The following RSPO2 variants were observed in gnomAD, a reference collection of about 807,000 sequenced individuals.
RSPO2 encodes R-spondin 2, also known as R-spondin-2.
A neutral mutation model predicts 30.9 loss-of-function variants in RSPO2; 14 were observed. The ratio of observed to expected loss-of-function variants is 0.45; its 90% CI spans 0.30 to 0.71. RSPO2 has a LOEUF of 0.71. Ranked by LOEUF, RSPO2 falls within the 30% of genes least tolerant of loss-of-function variation. RSPO2 has a pLI of 0.08. For missense variants in RSPO2, 264 were observed against 301.9 expected (o/e 0.87, Z 0.93); for synonymous variants, 107 against 96.4 (o/e 1.11, Z -0.64).
At chr8:107,929,994 C>A (rs1185159122) in intron 5 of RSPO2, among the ~76,000 whole-genome samples, 1 of 152,124 alleles carries the variant, frequency 6.6e-6, no homozygotes, top group African/African-American at 2.4e-5. Flanking sequence ...TTCTGATGTT[C>A]TCCTTGGTTT....
At chr8:108,041,479 C>G (rs1232488972) in intron 2 of RSPO2, among the ~76,000 whole-genome samples, 2 of 151,988 alleles carry the variant, frequency 1.3e-5, no homozygotes, top group Non-Finnish European at 2.9e-5. Context: ...GCAAAAGCAA[C>G]AGGCCCCACC....
intron 5 of RSPO2, among the ~76,000 whole-genome samples, chr8:107,948,526 G>T (rs941091280): frequency 6.6e-6 from 1 of 152,152 alleles, no homozygotes; most frequent in South Asian, 2.1e-4. Flanking sequence ...ATTGCAAAAG[G>T]TTATCTAAAA....
chr8:107,957,963 C>T (rs1332455582), intron 5 of RSPO2, 117 bp downstream of exon 5: 3 of 688,028 alleles, frequency 4.4e-6, no homozygotes, highest in Non-Finnish European at 7.3e-6. Context: ...TATCCCCTCA[C>T]CAATATTATT....
intron 3 of RSPO2, among the ~76,000 whole-genome samples, chr8:107,974,173 G>T (rs1814124499): frequency 6.6e-6 from 1 of 152,044 alleles, no homozygotes; most frequent in Non-Finnish European, 1.5e-5. Flanking sequence ...ACATACCAAG[G>T]AGCAAGGACT....
intron 2 of RSPO2, among the ~76,000 whole-genome samples, chr8:108,058,626 C>T (rs1812338759): frequency 1.3e-5 from 2 of 152,142 alleles, no homozygotes; most frequent in South Asian, 4.2e-4. Context: ...ACCAAAACAG[C>T]ATGGTACTGG....
intron 2 of RSPO2, among the ~76,000 whole-genome samples, chr8:108,027,140 A>ATAG (rs1811248921): frequency 2.0e-5 from 3 of 152,204 alleles, no homozygotes; most frequent in African/African-American, 7.2e-5. Context: ...ATATTACATA[A>ATAG]AACTTCTGAT....
At chr8:107,923,094 T>C (rs187147678) in intron 5 of RSPO2, among the ~76,000 whole-genome samples, 1 of 152,122 alleles carries the variant, frequency 6.6e-6, no homozygotes, top group East Asian at 1.9e-4. Flanking sequence ...TAATGAAACT[T>C]ACGAGCTTCT....
At chr8:107,928,628 A>G (rs746892644) in intron 5 of RSPO2, among the ~76,000 whole-genome samples, 1 of 152,146 alleles carries the variant, frequency 6.6e-6, no homozygotes, top group Non-Finnish European at 1.5e-5. Flanking sequence ...AATTCAGGAG[A>G]GCAATATAAC....
chr8:107,997,918 T>C (rs1815086332), intron 2 of RSPO2, among the ~76,000 whole-genome samples: 1 of 152,230 alleles, frequency 6.6e-6, no homozygotes, highest in African/African-American at 2.4e-5. Context: ...TGTTCCGTTG[T>C]TTCTGCAGTT....
intron 5 of RSPO2, among the ~76,000 whole-genome samples, chr8:107,929,338 A>C (rs1004857274): frequency 6.6e-6 from 1 of 152,218 alleles, no homozygotes; most frequent in African/African-American, 2.4e-5. Context: ...AATTCACTTC[A>C]GGATGGATGT....
chr8:107,957,978 T>G, intron 5 of RSPO2, 102 bp downstream of exon 5: 1 of 795,330 alleles, frequency 1.3e-6, no homozygotes, highest in African/African-American at 1.7e-5. Flanking sequence ...ATTATTGGGT[T>G]TCCTTCAAAG....
intron 2 of RSPO2, among the ~76,000 whole-genome samples, chr8:108,035,080 TG>T (rs1223518813): frequency 6.6e-6 from 1 of 152,170 alleles, no homozygotes; most frequent in Non-Finnish European, 1.5e-5. Context: ...AAAAAAGAGC[TG>T]GGGAACAGAG....
intron 5 of RSPO2, among the ~76,000 whole-genome samples, chr8:107,944,326 T>C (rs1437264623): frequency 6.6e-6 from 1 of 152,226 alleles, no homozygotes; most frequent in Non-Finnish European, 1.5e-5. Context: ...CTGAGGTACA[T>C]ATCATGTGCT....
At chr8:107,985,462 T>A (rs1814591325) in intron 3 of RSPO2, among the ~76,000 whole-genome samples, 1 of 152,152 alleles carries the variant, frequency 6.6e-6, no homozygotes, top group Non-Finnish European at 1.5e-5. Flanking sequence ...CAACCGTATT[T>A]AATGGCATGA....
At chr8:107,998,340 G>A (rs943267722) in intron 2 of RSPO2, among the ~76,000 whole-genome samples, 4 of 151,898 alleles carry the variant, frequency 2.6e-5, no homozygotes, top group Non-Finnish European at 5.9e-5. Flanking sequence ...TGGCAGCAGT[G>A]GTATAAAAAT....
At chr8:108,060,014 A>T (rs1289934355) in intron 2 of RSPO2, among the ~76,000 whole-genome samples, 3 of 150,848 alleles carry the variant, frequency 2.0e-5, no homozygotes, top group South Asian at 2.1e-4. Context: ...CTAATAAAAT[A>T]AAATTAAAAA....
chr8:108,072,020 GTT>G (rs1812861697), intron 2 of RSPO2, among the ~76,000 whole-genome samples: 1 of 152,108 alleles, frequency 6.6e-6, no homozygotes, highest in Non-Finnish European at 1.5e-5. Context: ...AGATACCATA[GTT>G]ACCCCCAAAG....
chr8:107,974,519 A>C (rs1814140903), intron 3 of RSPO2, among the ~76,000 whole-genome samples: 1 of 152,112 alleles, frequency 6.6e-6, no homozygotes, highest in Non-Finnish European at 1.5e-5. Context: ...GTCTTAACCA[A>C]AAGAAAGAAA....
intron 3 of RSPO2, chr8:107,983,073 C>T: frequency 7.7e-7 from 1 of 1,294,916 alleles, no homozygotes; most frequent in Non-Finnish European, 1.1e-6. Context: ...TGTTCCCTGG[C>T]ACCACTACTC....
Sources: allele counts gnomAD v4.1 joint callset (sites outside exome capture counted in the v4.1 genomes callset), GRCh38; gene constraint gnomAD v4.1.1; transcripts MANE v1.5; gene names NCBI Gene and HGNC (gene_info 2026-07-23, HGNC 2026-07-21).